Variants in MCC observed in about 807,000 individuals in gnomAD.
MCC encodes colorectal mutant cancer protein.
A neutral mutation model predicts 116.2 loss-of-function variants in MCC; 90 were observed. The ratio of observed to expected loss-of-function variants is 0.77; its 90% CI spans 0.65 to 0.92. MCC has a LOEUF of 0.92. MCC is among the 40% of genes least tolerant of loss of function. The pLI, the probability that MCC is intolerant of heterozygous loss-of-function variation, is 0.00. For synonymous variants in MCC, 578 were observed against 510.5 expected, an observed-to-expected ratio of 1.13 and a Z score of -1.78; for missense variants, 1,516 against 1,312.2, an observed-to-expected ratio of 1.16 and a Z score of -2.40.
At chr5:113,246,669 A>T (rs1764589432) in intron 3 of MCC, among the ~76,000 whole-genome samples, 1 of 152,190 alleles carries the variant, frequency 6.6e-6, no homozygotes, top group South Asian at 2.1e-4. Flanking sequence ...TTTTCTTGAA[A>T]ACTGTCTCAT....
Position 113,029,561 on chromosome 5 carries a change from C to G in MCC, c.2757-505G>C, listed in dbSNP as rs995850372. ...ATTGGTAGAGGGAGTAGATATGATA[C>G]TCTCTTCATTGTAAGGGTCCTTATT... On this transcript the variant is annotated intron_variant, in intron 17 of 18. Coordinates refer to ENST00000408903, the MANE Select transcript of MCC (RefSeq NM_001085377.2). Among the ~76,000 whole-genome samples the G allele has an allele frequency of 3.3e-5, 5 of 152,188 alleles. No homozygotes were observed. The East Asian group carries it at 9.6e-4, about 29-fold the overall frequency.
intron 3 of MCC, among the ~76,000 whole-genome samples, chr5:113,262,250 T>G (rs1335135434): frequency 6.6e-6 from 1 of 152,100 alleles, no homozygotes; most frequent in Non-Finnish European, 1.5e-5. Flanking sequence ...GCAAAAGTAA[T>G]GTCAATCCCA....
At chr5:113,453,262 T>A (rs958109375) in intron 1 of MCC, among the ~76,000 whole-genome samples, 12 of 152,166 alleles carry the variant, frequency 7.9e-5, no homozygotes, top group African/African-American at 2.9e-4. Context: ...CACGTCCACT[T>A]CTCTGGGCCC....
At chr5:113,297,718 C>T (rs1766748335) in intron 3 of MCC, among the ~76,000 whole-genome samples, 3 of 135,612 alleles carry the variant, frequency 2.2e-5, no homozygotes. Context: ...TGCCACTGCA[C>T]TCCACCCTGG....
At chr5:113,115,047 A>G (rs1757317941) in intron 6 of MCC, among the ~76,000 whole-genome samples, 1 of 150,072 alleles carries the variant, frequency 6.7e-6, no homozygotes, top group Non-Finnish European at 1.5e-5. Flanking sequence ...CAGCAAAGCA[A>G]AAAGAGCACT....
At chr5:113,075,928 C>G (rs550884459) in intron 11 of MCC, among the ~76,000 whole-genome samples, 2 of 152,174 alleles carry the variant, frequency 1.3e-5, no homozygotes, top group South Asian at 4.1e-4. Context: ...ACTCCAGATG[C>G]GCCCCCTTTA....
chr5:113,466,372 C>A (rs1346271203), intron 1 of MCC, among the ~76,000 whole-genome samples: 1 of 140,124 alleles, frequency 7.1e-6, no homozygotes, highest in East Asian at 2.2e-4. Context: ...TGTGATGTTC[C>A]CCTTCCTGTG....
chr5:113,075,626 T>C (rs984714138), intron 11 of MCC, among the ~76,000 whole-genome samples: 9 of 152,104 alleles, frequency 5.9e-5, no homozygotes, highest in Admixed American at 1.3e-4. Context: ...AACAGACCAA[T>C]CACCTCTCTG....
chr5:113,387,349 GTAATATTTTCATA>G lies in MCC; in HGVS notation c.171-2150_171-2138del, dbSNP rs1380608783. Among the ~76,000 whole-genome samples, 9 of 152,294 alleles carry G rather than the reference GTAATATTTTCATA, an allele frequency of 5.9e-5. No homozygotes were observed. The South Asian group carries it at 1.2e-3, about 21-fold the overall frequency. The stretch of plus-strand genomic sequence containing the variant: ...GAAAAATGTTTGTTTGGTTTTTAAA[GTAATATTTTCATA>G]TAATATTTTCATATAAGACCTACCT... On this transcript the variant is annotated intron_variant, in intron 1 of 18. Transcript: ENST00000408903.
At chr5:113,386,542 A>C (rs1356736970) in intron 1 of MCC, among the ~76,000 whole-genome samples, 1 of 151,936 alleles carries the variant, frequency 6.6e-6, no homozygotes, top group Non-Finnish European at 1.5e-5. Context: ...CTTCTCCCCG[A>C]AATGCTTTTA....
intron 1 of MCC, among the ~76,000 whole-genome samples, chr5:113,413,550 T>C (rs1467758247): frequency 1.3e-5 from 2 of 152,246 alleles, no homozygotes; most frequent in African/African-American, 4.8e-5. Context: ...TTTTCTAGTT[T>C]ATTTGCATAG....
intron 4 of MCC, among the ~76,000 whole-genome samples, chr5:113,149,172 T>A (rs1316787608): frequency 6.6e-6 from 1 of 152,030 alleles, no homozygotes; most frequent in Non-Finnish European, 1.5e-5. Flanking sequence ...TGGGTGGGTA[T>A]AAATTAGAAA....
chr5:113,367,139 T>A (rs1024335087), intron 2 of MCC, among the ~76,000 whole-genome samples: 2 of 152,198 alleles, frequency 1.3e-5, no homozygotes, highest in Non-Finnish European at 1.5e-5. Flanking sequence ...CTGAACAATA[T>A]ATTCTGATAT....
In MCC at chr5:113,400,937, T is replaced by A. The variant is rs1368337512; in HGVS notation, c.171-15725A>T. Among the ~76,000 whole-genome samples the A allele has an allele frequency of 2.0e-5, 3 of 152,212 alleles. No individual in the cohort carries two copies. The East Asian group carries it at 5.8e-4, about 29-fold the overall frequency. On this transcript the variant is annotated intron_variant, in intron 1 of 18. Transcript: ENST00000408903. ...GTAAGTAGCTCTTAATATATCAGTG[T>A]CCTTCCAAAAATCCCACTAAAGCTA...
At chr5:113,168,408 T>C (rs1760887072) in intron 3 of MCC, among the ~76,000 whole-genome samples, 1 of 152,224 alleles carries the variant, frequency 6.6e-6, no homozygotes, top group South Asian at 2.1e-4. Flanking sequence ...AGAAATATAC[T>C]TGCACTTCTT....
chr5:113,137,092 G>A (rs537673860), intron 5 of MCC, among the ~76,000 whole-genome samples: 10 of 152,274 alleles, frequency 6.6e-5, no homozygotes, highest in African/African-American at 2.4e-4. Flanking sequence ...AAGGAAAGAG[G>A]TTTAATTGAT....
intron 1 of MCC, among the ~76,000 whole-genome samples, chr5:113,468,939 AT>A (rs1771996577): frequency 6.6e-6 from 1 of 152,042 alleles, no homozygotes; most frequent in South Asian, 2.1e-4. Context: ...GAATTTATCC[AT>A]TTCTTCTAGA....
chr5:113,024,094 A>G lies in MCC; in HGVS notation c.*3208T>C, dbSNP rs1437205710. ...TTTAAGAAAAAGCCTATGGGCTCTAATTTGGACTTCCTTTTGGAGTAGAAT... is the reference window on the plus strand; with the variant it reads ...TTTAAGAAAAAGCCTATGGGCTCTAGTTTGGACTTCCTTTTGGAGTAGAAT... On this transcript the variant is annotated 3_prime_UTR_variant, in exon 19 of 19. Coordinates refer to ENST00000408903, the MANE Select transcript of MCC (RefSeq NM_001085377.2). 6.6e-6 allele frequency: 1 copy of G among 152,248 alleles called. No homozygotes were observed. The highest frequency in any genetic ancestry group is 1.5e-5 in the Non-Finnish European group (1 of 68,052). 9.4% of individuals were successfully genotyped at this position (152,248 alleles called of 1,614,324 possible).
chr5:113,217,168 T>C (rs1185007855), intron 3 of MCC, among the ~76,000 whole-genome samples: 1 of 152,252 alleles, frequency 6.6e-6, no homozygotes, highest in Non-Finnish European at 1.5e-5. Context: ...ATATTAATAC[T>C]AATCCTTCAA....
Sources: allele counts gnomAD v4.1 joint callset (sites outside exome capture counted in the v4.1 genomes callset), GRCh38; gene constraint gnomAD v4.1.1; transcripts MANE v1.5; gene names NCBI Gene and HGNC (gene_info 2026-07-23, HGNC 2026-07-21).